MAGI2: variants seen among roughly 807,000 people sequenced by gnomAD.
MAGI2 encodes membrane-associated guanylate kinase, WW and PDZ domain-containing protein 2.
MAGI2 carries 35 observed loss-of-function variants against 133.3 expected under a neutral mutation model. The observed-to-expected ratio is 0.26, with a 90% CI of 0.20 to 0.35. The LOEUF is 0.35. Ranked by LOEUF, MAGI2 falls within the 10% of genes least tolerant of loss-of-function variation. The pLI is 1.00. For synonymous variants in MAGI2, 729 were observed against 710.6 expected, an observed-to-expected ratio of 1.03 and a Z score of -0.41; for missense variants, 1,636 against 1,863.4, an observed-to-expected ratio of 0.88 and a Z score of 2.25.
intron 1 of MAGI2, among the ~76,000 whole-genome samples, chr7:79,015,998 C>CA (rs1491272503): frequency 3.9e-5 from 1 of 25,718 alleles, no homozygotes; most frequent in Non-Finnish European, 8.3e-5. Flanking sequence ...CCTGGAGAAG[C>CA]GGGGGGGGGG....
intron 1 of MAGI2, among the ~76,000 whole-genome samples, chr7:79,213,214 GTA>G (rs141642663): frequency 0.61 from 92,069 of 150,560 alleles, 33,946 homozygotes; most frequent in Non-Finnish European, 0.82. Flanking sequence ...GTATTTTTCT[GTA>G]TATATATATG....
intron 2 of MAGI2, among the ~76,000 whole-genome samples, chr7:78,915,648 A>C (rs889163699): frequency 3.3e-5 from 5 of 151,546 alleles, no homozygotes; most frequent in Non-Finnish European, 1.5e-5. Context: ...GGGCTTTCGT[A>C]ATTTTTTTTT....
At chr7:79,003,984 C>CTCT (rs1206625033) in intron 2 of MAGI2, among the ~76,000 whole-genome samples, 1 of 152,146 alleles carries the variant, frequency 6.6e-6, no homozygotes, top group Non-Finnish European at 1.5e-5. Flanking sequence ...GAAAAGGGCA[C>CTCT]TCTTACACTC....
At chr7:78,140,107 G>A (rs1366751750) in intron 16 of MAGI2, among the ~76,000 whole-genome samples, 1 of 152,054 alleles carries the variant, frequency 6.6e-6, no homozygotes, top group Non-Finnish European at 1.5e-5. Flanking sequence ...AGTCTACTCC[G>A]GCTCCTTCAG....
Position 78,321,642 on chromosome 7 carries a change from T to C in MAGI2, c.1408+22136A>G, listed in dbSNP as rs556149341. Among the ~76,000 whole-genome samples, 4 of 152,248 alleles carry C rather than the reference T, an allele frequency of 2.6e-5. No individual in the cohort carries two copies. The South Asian group carries it at 6.2e-4, about 24-fold the overall frequency. On this transcript the variant is annotated intron_variant, in intron 9 of 21. Coordinates refer to ENST00000354212, the MANE Select transcript of MAGI2 (RefSeq NM_012301.4). Reference sequence around the variant, plus strand: ...ACTCAAGATGGATTGAAGACTTAAATGTAAGACCTAAAATCATAAAAACCC... The same window carrying C: ...ACTCAAGATGGATTGAAGACTTAAACGTAAGACCTAAAATCATAAAAACCC...
At chr7:78,476,556 C>G (rs1308071773) in intron 6 of MAGI2, among the ~76,000 whole-genome samples, 1 of 151,936 alleles carries the variant, frequency 6.6e-6, no homozygotes, top group Non-Finnish European at 1.5e-5. Context: ...TTTTGCATTG[C>G]TGATTTGAAG....
At chr7:78,716,433 T>C (rs564320662) in intron 2 of MAGI2, among the ~76,000 whole-genome samples, 3 of 152,088 alleles carry the variant, frequency 2.0e-5, no homozygotes, top group South Asian at 2.1e-4. Context: ...GAGAAAGCAA[T>C]GAAAAATAGC....
At chr7:78,129,742 C>T (rs1454288647) in intron 18 of MAGI2, among the ~76,000 whole-genome samples, 2 of 151,764 alleles carry the variant, frequency 1.3e-5, no homozygotes, top group African/African-American at 2.4e-5. Flanking sequence ...GTCGGGAGTT[C>T]GAGACTAACA....
chr7:78,702,374 G>A (rs1818167774), intron 2 of MAGI2, among the ~76,000 whole-genome samples: 1 of 151,894 alleles, frequency 6.6e-6, no homozygotes, highest in Admixed American at 6.6e-5. Flanking sequence ...AACATTACAA[G>A]CAAGAGTAAG....
rs565236865 is a variant in MAGI2 at position 78,157,550 on chromosome 7, T to C, written c.2845+2475A>G. 1.2e-4 allele frequency among the ~76,000 whole-genome samples: 18 copies of C among 152,334 alleles called. No homozygotes were observed. In the South Asian group the frequency reaches 2.9e-3, roughly 25 times the overall value. Reference sequence around the variant, plus strand: ...ACACACACACACACACATTCCCCTATACATTTAGAAATAAGGCTGTTATAC... The same window carrying C: ...ACACACACACACACACATTCCCCTACACATTTAGAAATAAGGCTGTTATAC... On this transcript the variant is annotated intron_variant, in intron 16 of 21. Coordinates refer to ENST00000354212, the MANE Select transcript of MAGI2 (RefSeq NM_012301.4).
intron 15 of MAGI2, among the ~76,000 whole-genome samples, chr7:78,166,037 C>T (rs970936349): frequency 6.6e-6 from 1 of 152,200 alleles, no homozygotes; most frequent in Non-Finnish European, 1.5e-5. Context: ...TGCAGCATAA[C>T]ATTTTCAAAA....
intron 9 of MAGI2, among the ~76,000 whole-genome samples, chr7:78,334,529 T>G (rs2691539): frequency 0.52 from 79,152 of 151,990 alleles, 20,977 homozygotes; most frequent in Middle Eastern, 0.58. Flanking sequence ...TTCTGTTGGA[T>G]AGAAGCCCAT....
chr7:79,453,615 G>T lies in MAGI2; in HGVS notation c.-295C>A. ...AGGAAGCAGTGGTGGTGGCGTCGGC[G>T]GCGGCGGCGGCGGCAGCCGGAGCGA... On this transcript the variant is annotated 5_prime_UTR_variant, in exon 1 of 22. Transcript: ENST00000354212. The T allele has an allele frequency of 9.1e-7, 1 of 1,093,188 alleles. No homozygotes were observed. Among genetic ancestry groups the T allele is most frequent in the Non-Finnish European group, 1.1e-6 (1 of 889,164 alleles). The allele number at this position is 1,093,188 out of a possible 1,614,324, so 67.7% of individuals were successfully genotyped here.
chr7:78,221,267 C>G (rs529593146), intron 10 of MAGI2, among the ~76,000 whole-genome samples: 46 of 152,158 alleles, frequency 3.0e-4, no homozygotes, highest in Non-Finnish European at 6.2e-4. Context: ...GATGACTGCT[C>G]CCCACATGGC....
At chr7:78,416,931 T>A (rs1798357422) in intron 6 of MAGI2, among the ~76,000 whole-genome samples, 1 of 152,158 alleles carries the variant, frequency 6.6e-6, no homozygotes, top group Admixed American at 6.5e-5. Context: ...CCTAGAACTG[T>A]GAGAAATAAA....
rs535450567 is a variant in MAGI2, at chr7:78,741,055, A to G, written c.419-113816T>C. Among the ~76,000 whole-genome samples the G allele has an allele frequency of 3.9e-5, 6 of 152,208 alleles. No homozygotes were observed. In the East Asian group the frequency reaches 1.2e-3, roughly 29 times the overall value. Reference sequence around the variant, plus strand: ...TTTGAAGATAGAAAAAAAGCAAAGAATGCAGCCATTTTTTTTCCATCCGGG... The same window carrying G: ...TTTGAAGATAGAAAAAAAGCAAAGAGTGCAGCCATTTTTTTTCCATCCGGG... On this transcript the variant is annotated intron_variant, in intron 2 of 21. Transcript: ENST00000354212.
At chr7:78,717,275 G>GCACA (rs57370898) in intron 2 of MAGI2, among the ~76,000 whole-genome samples, 15,488 of 150,934 alleles carry the variant, frequency 0.1, 1,022 homozygotes, top group Middle Eastern at 0.18. Context: ...ACACAACACA[G>GCACA]CACACACACA....
chr7:78,349,519 A>G (rs1038685216), intron 7 of MAGI2, among the ~76,000 whole-genome samples: 1 of 152,200 alleles, frequency 6.6e-6, no homozygotes, highest in African/African-American at 2.4e-5. Context: ...TTATTTTCTT[A>G]GAAAAGTTAA....
intron 1 of MAGI2, among the ~76,000 whole-genome samples, chr7:79,300,707 T>C (rs6963068): frequency 0.93 from 141,786 of 152,242 alleles, 66,387 homozygotes; most frequent in Non-Finnish European, 0.98. Context: ...ATGTGCATAA[T>C]TCAAAAGGAG....
Sources: gnomAD v4.1 joint callset for allele counts (sites outside exome capture counted in the v4.1 genomes callset) on GRCh38, gnomAD v4.1.1 for gene constraint, MANE v1.5 for transcripts, NCBI Gene and HGNC (gene_info 2026-07-23, HGNC 2026-07-21) for gene names.